TNFRSF19: variants seen among roughly 807,000 people sequenced by gnomAD.
TNFRSF19 encodes tumor necrosis factor receptor superfamily member 19.
A neutral mutation model predicts 46.4 loss-of-function variants in TNFRSF19; 27 were observed. That is an observed-to-expected ratio of 0.58 (90% confidence interval 0.43 to 0.80). The LOEUF (loss-of-function observed/expected upper bound fraction) is 0.80, where lower values mean the gene tolerates loss of function less well. TNFRSF19 is among the 30% of genes least tolerant of loss of function. TNFRSF19 has a pLI of 0.00. For missense variants in TNFRSF19, 511 were observed against 530.8 expected, an observed-to-expected ratio of 0.96 and a Z score of 0.37; for synonymous variants, 204 against 205.0, an observed-to-expected ratio of 1.00 and a Z score of 0.04.
At chr13:23,628,064 T>C (rs1168664750) in intron 5 of TNFRSF19, among the ~76,000 whole-genome samples, 1 of 152,198 alleles carries the variant, frequency 6.6e-6, no homozygotes, top group African/African-American at 2.4e-5. Flanking sequence ...GCTTTACTTA[T>C]TTTGTTTTAC....
chr13:23,641,588 C>T (rs1883036715), intron 5 of TNFRSF19, among the ~76,000 whole-genome samples: 1 of 152,198 alleles, frequency 6.6e-6, no homozygotes, highest in African/African-American at 2.4e-5. Flanking sequence ...GCCTCAGCCT[C>T]CCAAAGTGCT....
chr13:23,616,795 T>C (rs1462711875), intron 4 of TNFRSF19, among the ~76,000 whole-genome samples: 2 of 151,924 alleles, frequency 1.3e-5, no homozygotes, highest in African/African-American at 4.8e-5. Context: ...TGTTGGTTGG[T>C]CTCAAACTCC....
At chr13:23,649,806 C>T (rs1483028496) in intron 5 of TNFRSF19, among the ~76,000 whole-genome samples, 2 of 152,068 alleles carry the variant, frequency 1.3e-5, no homozygotes, top group East Asian at 3.9e-4. Context: ...TCTTCTTTGA[C>T]CCATTGATTA....
intron 1 of TNFRSF19, among the ~76,000 whole-genome samples, chr13:23,572,200 A>G (rs1266497805): frequency 6.6e-6 from 1 of 152,176 alleles, no homozygotes; most frequent in Non-Finnish European, 1.5e-5. Context: ...ATATTTTTAA[A>G]GTGTGTCATT....
chr13:23,613,531 C>G (rs751473122), intron 3 of TNFRSF19, among the ~76,000 whole-genome samples: 22 of 152,168 alleles, frequency 1.4e-4, no homozygotes, highest in Non-Finnish European at 2.8e-4. Flanking sequence ...TTCTCTTTCC[C>G]TTGTACTTCT....
In TNFRSF19 at chr13:23,594,443, A is replaced by T. The variant is rs147629683; in HGVS notation, c.180+988A>T. ...GGAGGGGCGTCTGCCATTACTGAGGATTGAGTAGGTGGTTTTCCCCTCACA... is the reference window on the plus strand; with the variant it reads ...GGAGGGGCGTCTGCCATTACTGAGGTTTGAGTAGGTGGTTTTCCCCTCACA... On this transcript the variant is annotated intron_variant, in intron 3 of 9. Transcript: ENST00000248484. The T allele has an allele frequency of 5.8e-3, 1,571 of 271,380 alleles. 28 individuals carry two copies. The highest frequency in any genetic ancestry group is 0.031 in the African/African-American group (1,394 of 44,526). The allele number at this position is 271,380 out of a possible 1,614,324, so 16.8% of individuals were successfully genotyped here. A position where few individuals can be genotyped will look rare whatever the true frequency, so the allele number is the denominator to read the frequency against.
chr13:23,673,223 T>C, intron 9 of TNFRSF19, 149 bp from the exon 10 acceptor site: 1 of 762,134 alleles, frequency 1.3e-6, no homozygotes, highest in East Asian at 2.9e-5. Context: ...ATTTGGATAC[T>C]ATTGAATGAG....
intron 3 of TNFRSF19, among the ~76,000 whole-genome samples, chr13:23,595,902 AG>A (rs1323403976): frequency 6.6e-6 from 1 of 152,252 alleles, no homozygotes; most frequent in Non-Finnish European, 1.5e-5. Context: ...TCGGACTAAC[AG>A]TGGATCTCTC....
At chr13:23,596,864 T>C (rs1385191030) in intron 3 of TNFRSF19, among the ~76,000 whole-genome samples, 1 of 152,166 alleles carries the variant, frequency 6.6e-6, no homozygotes, top group African/African-American at 2.4e-5. Flanking sequence ...AAAATGCTCC[T>C]CAGCAAATGC....
At chr13:23,644,847 T>C (rs999839815) in intron 5 of TNFRSF19, among the ~76,000 whole-genome samples, 1 of 135,938 alleles carries the variant, frequency 7.4e-6, no homozygotes, top group Non-Finnish European at 1.6e-5. Context: ...ATATATATAT[T>C]TGGGCGAAGT....
chr13:23,633,491 T>G (rs1243075941), intron 5 of TNFRSF19, among the ~76,000 whole-genome samples: 1 of 152,188 alleles, frequency 6.6e-6, no homozygotes, highest in Non-Finnish European at 1.5e-5. Flanking sequence ...AGGTAAACAA[T>G]TGTTTTCTGA....
At chr13:23,612,909 A>G (rs966117633) in intron 3 of TNFRSF19, among the ~76,000 whole-genome samples, 5 of 152,186 alleles carry the variant, frequency 3.3e-5, no homozygotes, top group Admixed American at 1.3e-4. Flanking sequence ...GGTGACTTGG[A>G]GACAGTCAGC....
intron 5 of TNFRSF19, among the ~76,000 whole-genome samples, chr13:23,649,004 TATCTTTATAAGGGATCTTG>T (rs1483461378): frequency 6.6e-6 from 1 of 152,222 alleles, no homozygotes; most frequent in African/African-American, 2.4e-5. Flanking sequence ...TGTTTGTCTC[TATCTTTATAAGGGATCTTG>T]ATCTGTAGTT....
At chr13:23,570,877 G>C (rs1877595302) in intron 1 of TNFRSF19, 29 bp downstream of exon 1, 1 of 152,194 alleles carries the variant, frequency 6.6e-6, no homozygotes. Flanking sequence ...TCAGCATGTT[G>C]CAGGTACTCT....
Position 23,632,948 on chromosome 13 carries a change from T to C in TNFRSF19, c.445+6156T>C, listed in dbSNP as rs370691618. On this transcript the variant is annotated intron_variant, in intron 5 of 9. Transcript: ENST00000248484. The stretch of plus-strand genomic sequence containing the variant: ...AGCATGAAGAACCCCAAACACATTG[T>C]CATTTGATGCCTTTTAGTGTGGAGC... Among the ~76,000 whole-genome samples, 13 of 152,300 alleles carry C rather than the reference T, an allele frequency of 8.5e-5. 1 individual carries two copies. Among genetic ancestry groups the C allele is most frequent in the African/African-American group, 3.1e-4 (13 of 41,568 alleles).
chr13:23,625,921 T>A (rs1881967974), intron 4 of TNFRSF19, among the ~76,000 whole-genome samples: 1 of 152,236 alleles, frequency 6.6e-6, no homozygotes, highest in African/African-American at 2.4e-5. Context: ...CTTAAATTTT[T>A]TAAAAAAATT....
chr13:23,602,212 G>A (rs1880208275), intron 3 of TNFRSF19, among the ~76,000 whole-genome samples: 2 of 152,166 alleles, frequency 1.3e-5, no homozygotes, highest in African/African-American at 4.8e-5. Context: ...AAGAGCAGGA[G>A]TAGCTATATT....
intron 1 of TNFRSF19, among the ~76,000 whole-genome samples, chr13:23,571,144 A>G (rs546211540): frequency 2.0e-5 from 3 of 152,226 alleles, no homozygotes; most frequent in Non-Finnish European, 4.4e-5. Context: ...TTAGCATGCA[A>G]CTGGTACTTC....
intron 4 of TNFRSF19, among the ~76,000 whole-genome samples, chr13:23,618,757 A>G (rs967251141): frequency 2.6e-5 from 4 of 152,174 alleles, no homozygotes; most frequent in Non-Finnish European, 5.9e-5. Context: ...AACTGAAACA[A>G]CCAAGCTCTG....
Sources: gnomAD v4.1 joint callset for allele counts (sites outside exome capture counted in the v4.1 genomes callset) on GRCh38, gnomAD v4.1.1 for gene constraint, MANE v1.5 for transcripts, NCBI Gene and HGNC (gene_info 2026-07-23, HGNC 2026-07-21) for gene names.